RASSF3: variants seen among roughly 807,000 people sequenced by gnomAD.
RASSF3 encodes Ras association domain family member 3, also known as ras association domain-containing protein 3.
A neutral mutation model predicts 19.9 loss-of-function variants in RASSF3; 19 were observed. The observed-to-expected ratio is 0.96, with a 90% confidence interval of 0.67 to 1.40. RASSF3 has a LOEUF of 1.40. Among genes scored for constraint, RASSF3 ranks in the 40% most tolerant of loss-of-function variants. The pLI is 0.00. For synonymous variants in RASSF3, 110 were observed against 104.2 expected (o/e 1.06, Z -0.34); for missense variants, 306 against 289.8 (o/e 1.06, Z -0.41).
intron 2 of RASSF3, among the ~76,000 whole-genome samples, chr12:64,582,225 G>A (rs1176743200): frequency 6.6e-6 from 1 of 152,144 alleles, no homozygotes; most frequent in Non-Finnish European, 1.5e-5. Context: ...AAAGATTAGG[G>A]TCTATTGTAA....
intron 2 of RASSF3, among the ~76,000 whole-genome samples, chr12:64,587,352 C>A (rs543284148): frequency 7.9e-5 from 12 of 152,134 alleles, no homozygotes; most frequent in African/African-American, 2.9e-4. Context: ...CCACTGTGCC[C>A]GGCCTCCTCT....
chr12:64,619,254 A>G (rs774512086), intron 1 of RASSF3, among the ~76,000 whole-genome samples: 4 of 151,220 alleles, frequency 2.6e-5, no homozygotes, highest in African/African-American at 4.9e-5. Context: ...TGTTGGGGAT[A>G]GTTTCTTCTC....
chr12:64,524,244 T>TTATTTATA (rs1868538560), intron 1 of RASSF3, among the ~76,000 whole-genome samples: 1 of 150,290 alleles, frequency 6.7e-6, no homozygotes, highest in Non-Finnish European at 1.5e-5. Flanking sequence ...ATTTATTTAT[T>TTATTTATA]TATTTATTTA....
intron 4 of RASSF3, among the ~76,000 whole-genome samples, chr12:64,693,526 C>T (rs1434467055): frequency 6.6e-6 from 1 of 152,072 alleles, no homozygotes. Context: ...TCAAGCAATC[C>T]TCCTACCTCA....
chr12:64,632,378 A>C (rs1871196694), intron 1 of RASSF3, among the ~76,000 whole-genome samples: 1 of 152,178 alleles, frequency 6.6e-6, no homozygotes, highest in Non-Finnish European at 1.5e-5. Context: ...TTAGGGAGAA[A>C]TAAAGTGGTC....
At chr12:64,559,966 A>G (rs1235812414) in intron 2 of RASSF3, among the ~76,000 whole-genome samples, 1 of 152,216 alleles carries the variant, frequency 6.6e-6, no homozygotes, top group Non-Finnish European at 1.5e-5. Flanking sequence ...CAGTAGAGGA[A>G]TTGGGGGCAG....
At chr12:64,589,790 G>C (rs570292558) in intron 2 of RASSF3, among the ~76,000 whole-genome samples, 41 of 151,774 alleles carry the variant, frequency 2.7e-4, no homozygotes, top group African/African-American at 8.9e-4. Context: ...ATCACTTGAG[G>C]TCAGGAGTTT....
rs2136152180 is a variant in RASSF3 at position 64,610,576 on chromosome 12, C to T, written c.-57C>T. 1 of 1,016,132 alleles carries T rather than the reference C, an allele frequency of 9.8e-7. No homozygotes were observed. The highest frequency in any genetic ancestry group is 1.7e-5 in the African/African-American group (1 of 59,294). 62.9% of individuals were successfully genotyped at this position (1,016,132 alleles called of 1,614,324 possible). A position where few individuals can be genotyped will look rare whatever the true frequency, so the allele number is the denominator to read the frequency against. On this transcript the variant is annotated 5_prime_UTR_variant, in exon 1 of 5. Coordinates refer to ENST00000542104, the MANE Select transcript of RASSF3 (RefSeq NM_178169.4). ...TCGCGGGGCTGGCGGGCGCCGCACCCCCTCCCTGGCCGCCTGCGCCCCGGG... is the reference window on the plus strand; with the variant it reads ...TCGCGGGGCTGGCGGGCGCCGCACCTCCTCCCTGGCCGCCTGCGCCCCGGG...
At chr12:64,542,088 A>G (rs1868943257), downstream of RASSF3, among the ~76,000 whole-genome samples, 1 of 152,078 alleles carries the variant, frequency 6.6e-6, no homozygotes, top group Non-Finnish European at 1.5e-5. Flanking sequence ...GAAGAGCCTC[A>G]GCGTGAGTCT....
downstream of RASSF3, among the ~76,000 whole-genome samples, chr12:64,545,406 C>T (rs1299924902): frequency 2.0e-5 from 3 of 152,106 alleles, no homozygotes; most frequent in Non-Finnish European, 2.9e-5. Flanking sequence ...ATACTGAGCT[C>T]TCTGATGTGG....
At chr12:64,533,825 C>T (rs1868766309) in intron 1 of RASSF3, among the ~76,000 whole-genome samples, 1 of 152,204 alleles carries the variant, frequency 6.6e-6, no homozygotes, top group African/African-American at 2.4e-5. Context: ...GGCTTGCAGT[C>T]CTGGAAGGAG....
chr12:64,514,178 C>A (rs1217810557), intron 1 of RASSF3, among the ~76,000 whole-genome samples: 2 of 139,210 alleles, frequency 1.4e-5, no homozygotes, highest in Non-Finnish European at 3.1e-5. Context: ...TGAGCCACAG[C>A]GCTCAGCCTC....
chr12:64,544,265 G>A (rs566383291), downstream of RASSF3, among the ~76,000 whole-genome samples: 1 of 151,582 alleles, frequency 6.6e-6, no homozygotes, highest in South Asian at 2.1e-4. Flanking sequence ...AACTCCAGAC[G>A]CACTGCCTTA....
At chr12:64,611,705 A>T (rs918592201) in intron 1 of RASSF3, 2 of 152,272 alleles carry the variant, frequency 1.3e-5, no homozygotes, top group Non-Finnish European at 2.9e-5. Context: ...AAACATTTCT[A>T]TTAATACCGG....
intron 2 of RASSF3, among the ~76,000 whole-genome samples, chr12:64,568,962 G>A (rs1882270): frequency 3.9e-3 from 586 of 152,202 alleles, no homozygotes; most frequent in African/African-American, 0.012. Context: ...CACCTGCCTC[G>A]GCCTCCCAAA....
chr12:64,642,070 A>G (rs963750713), intron 1 of RASSF3, among the ~76,000 whole-genome samples: 3 of 152,066 alleles, frequency 2.0e-5, no homozygotes, highest in African/African-American at 7.2e-5. Context: ...ATATGGAGCC[A>G]TCTAATTATA....
chr12:64,607,950 G>A (rs1003321320), upstream of RASSF3, among the ~76,000 whole-genome samples: 1 of 151,288 alleles, frequency 6.6e-6, no homozygotes, highest in African/African-American at 2.4e-5. Context: ...TTTTGTTTTT[G>A]TAGAGACAGG....
At chr12:64,523,688 T>C (rs1309144628) in intron 1 of RASSF3, among the ~76,000 whole-genome samples, 1 of 152,038 alleles carries the variant, frequency 6.6e-6, no homozygotes, top group Non-Finnish European at 1.5e-5. Context: ...GAGGAACAAA[T>C]GTTTTCAATT....
At chr12:64,682,613 A>C (rs898605689) in intron 1 of RASSF3, among the ~76,000 whole-genome samples, 1 of 151,532 alleles carries the variant, frequency 6.6e-6, no homozygotes, top group Non-Finnish European at 1.5e-5. Context: ...TGTAGTCAGC[A>C]CACCCCTCTT....
Sources: gnomAD v4.1 joint callset for allele counts (sites outside exome capture counted in the v4.1 genomes callset) on GRCh38, gnomAD v4.1.1 for gene constraint, MANE v1.5 for transcripts, NCBI Gene and HGNC (gene_info 2026-07-23, HGNC 2026-07-21) for gene names.